Variants in POR observed in about 807,000 individuals in gnomAD.
The protein encoded by POR is cytochrome p450 oxidoreductase.
In POR, 56 loss-of-function variants were observed where a neutral mutation model predicts 84.0. The observed-to-expected ratio is 0.67, with a 90% CI of 0.54 to 0.83. The LOEUF is 0.83. Ranked by LOEUF, POR falls within the 40% of genes least tolerant of loss-of-function variation. The pLI, the probability that POR is intolerant of heterozygous loss-of-function variation, is 0.00. For missense variants in POR, 938 were observed against 944.3 expected, an observed-to-expected ratio of 0.99 and a Z score of 0.09; for synonymous variants, 414 against 400.5, an observed-to-expected ratio of 1.03 and a Z score of -0.40.
Position 75,979,440 on chromosome 7 carries a change from GCCTT to G in POR, c.238-6_238-3del. Reference sequence around the variant, plus strand: ...TGTGGCCCTCACCAACCCTGTGTCTGCCTTCCTTAGGGGAGGAACATCATCGTGT... The same window carrying G: ...TGTGGCCCTCACCAACCCTGTGTCTGCCTTAGGGGAGGAACATCATCGTGT... On this transcript the variant is annotated splice_region_variant and splice_polypyrimidine_tract_variant and intron_variant, in intron 3 of 15. Transcript: ENST00000461988. 2 of 1,611,858 alleles carry G rather than the reference GCCTT, an allele frequency of 1.2e-6. No individual in the cohort carries two copies. The highest frequency in any genetic ancestry group is 1.7e-6 in the Non-Finnish European group (2 of 1,179,164).
chr7:75,980,977 C>A, intron 5 of POR, 71 bp from the exon 6 acceptor site: 3 of 1,476,334 alleles, frequency 2.0e-6, no homozygotes, highest in Non-Finnish European at 9.0e-7. Flanking sequence ...GGCCTCCCGC[C>A]CTGCCCCCAT....
rs41295396 is a variant in POR, at chr7:75,956,481, G to A, written c.188+2301G>A. Among the ~76,000 whole-genome samples, 1,002 of 152,310 alleles carry A rather than the reference G, an allele frequency of 6.6e-3. 8 individuals carry two copies. Among genetic ancestry groups the A allele is most frequent in the African/African-American group, 0.02 (835 of 41,564 alleles). On this transcript the variant is annotated intron_variant, in intron 2 of 15. Coordinates refer to ENST00000461988, the MANE Select transcript of POR (RefSeq NM_000941.3). ...TACGCTCTAGTGGTGAGTGAACCCTGGGCGAGACCTTAACCTCATTCTGCC... is the reference window on the plus strand; with the variant it reads ...TACGCTCTAGTGGTGAGTGAACCCTAGGCGAGACCTTAACCTCATTCTGCC...
At position 75,986,570 on chromosome 7, in the gene POR, T is replaced by G; in HGVS notation, c.*89T>G. 6.7e-7 allele frequency: 1 copy of G among 1,500,246 alleles called. No individual in the cohort carries two copies. Among genetic ancestry groups the G allele is most frequent in the Non-Finnish European group, 8.9e-7 (1 of 1,118,612 alleles). The allele number at this position is 1,500,246 out of a possible 1,614,324, so 92.9% of individuals were successfully genotyped here. A position where few individuals can be genotyped will look rare whatever the true frequency, so the allele number is the denominator to read the frequency against. On this transcript the variant is annotated 3_prime_UTR_variant, in exon 16 of 16. Coordinates refer to ENST00000461988, the MANE Select transcript of POR (RefSeq NM_000941.3). ...CGTAGTCTCCTGGGTGTGTTTGGCT[T>G]GGCCTTGGCATGGGCGCAGGCCCAG...
intron 1 of POR, among the ~76,000 whole-genome samples, chr7:75,915,995 T>C (rs1189179822): frequency 1.3e-5 from 2 of 152,210 alleles, no homozygotes; most frequent in Non-Finnish European, 2.9e-5. Flanking sequence ...TCTCCTCTCT[T>C]AAACCCTTAA....
At chr7:75,963,050 T>G (rs1349344690) in intron 2 of POR, among the ~76,000 whole-genome samples, 1 of 152,206 alleles carries the variant, frequency 6.6e-6, no homozygotes, top group Non-Finnish European at 1.5e-5. Flanking sequence ...TTTTGGGGCC[T>G]GTTCTTGACA....
intron 1 of POR, among the ~76,000 whole-genome samples, chr7:75,939,085 C>T (rs782430193): frequency 5.9e-5 from 9 of 152,240 alleles, no homozygotes; most frequent in Non-Finnish European, 8.8e-5. Context: ...TGCCCTTTCT[C>T]ATAGCAGGAG....
chr7:75,933,376 G>GTTTTTTTTTTTTTT (rs200575911), intron 1 of POR, among the ~76,000 whole-genome samples: 3 of 92,110 alleles, frequency 3.3e-5, no homozygotes, highest in Non-Finnish European at 7.4e-5. Context: ...ATAGGTCTTT[G>GTTTTTTTTTTTTTT]TTTTTTTTTT....
intron 1 of POR, among the ~76,000 whole-genome samples, chr7:75,926,029 TC>T (rs1807102496): frequency 1.6e-5 from 2 of 126,714 alleles, no homozygotes; most frequent in African/African-American, 3.7e-5. Context: ...CTTTTCTCTC[TC>T]TTTTTTTTTT....
intron 1 of POR, among the ~76,000 whole-genome samples, chr7:75,922,451 G>A (rs1554548969): frequency 6.6e-6 from 1 of 151,694 alleles, no homozygotes; most frequent in Admixed American, 6.6e-5. Flanking sequence ...AACCTCCTGA[G>A]TAGCTGGAAT....
intron 1 of POR, chr7:75,943,983 T>C (rs1240705187): frequency 9.6e-6 from 4 of 416,172 alleles, no homozygotes; most frequent in Non-Finnish European, 1.9e-5. Flanking sequence ...AAACCTCGAC[T>C]CTTCAAGGAA....
intron 1 of POR, among the ~76,000 whole-genome samples, chr7:75,949,100 C>T (rs774879661): frequency 1.3e-5 from 2 of 152,036 alleles, no homozygotes; most frequent in African/African-American, 4.8e-5. Flanking sequence ...AGGGCCGGAT[C>T]GTATGGGCCT....
chr7:75,915,787 G>A (rs1398072071), intron 1 of POR: 3 of 152,224 alleles, frequency 2.0e-5, no homozygotes, highest in Admixed American at 1.3e-4. Flanking sequence ...TCTCCTGGGG[G>A]AGCCGGGACA....
chr7:75,939,470 CAG>C (rs1807856920), intron 1 of POR, among the ~76,000 whole-genome samples: 1 of 150,748 alleles, frequency 6.6e-6, no homozygotes, highest in East Asian at 2.0e-4. Context: ...GGAAGCAACT[CAG>C]AGTTTCTGGA....
At chr7:75,918,704 G>A (rs1365127322) in intron 1 of POR, 1 of 152,332 alleles carries the variant, frequency 6.6e-6, no homozygotes, top group East Asian at 1.9e-4. Context: ...ATGGCACGGT[G>A]TGTTGCATTC....
In POR at chr7:75,984,901, G is replaced by A. The variant is rs72557928; in HGVS notation, c.1191G>A (p.Ser397=). 9.3e-4 allele frequency: 1,499 copies of A among 1,610,892 alleles called. 11 individuals carry two copies. Among genetic ancestry groups the A allele is most frequent in the South Asian group, 2.4e-4 (22 of 91,032 alleles). ...TGTACGAGCTGGCGCAGTACGCCTC[G>A]GAGCCCTCGGAGCAGGAGCTGCTGC... The change falls in exon 11 of 16, where the codon TCG becomes TCA. Residue 397 remains serine, a synonymous_variant. Transcript: ENST00000461988.
At chr7:75,968,921 G>T (rs1013495741) in intron 2 of POR, among the ~76,000 whole-genome samples, 26 of 152,222 alleles carry the variant, frequency 1.7e-4, no homozygotes, top group African/African-American at 6.3e-4. Flanking sequence ...TCTGGGATGG[G>T]AGCCGAGCTT....
intron 3 of POR, 129 bp downstream of exon 3, chr7:75,972,590 C>T (rs782021518): frequency 3.5e-5 from 31 of 882,362 alleles, no homozygotes; most frequent in Non-Finnish European, 4.2e-5. Flanking sequence ...GAACGCAGCC[C>T]GGCTCGCTTG....
chr7:75,982,355 G>A (rs781908606), intron 8 of POR, 33 bp downstream of exon 8: 4 of 1,541,930 alleles, frequency 2.6e-6, no homozygotes, highest in Non-Finnish European at 1.8e-6. Context: ...GGGGCAGACG[G>A]CTCTATGGCC....
chr7:75,927,968 CTTT>C (rs1243977285), intron 1 of POR, among the ~76,000 whole-genome samples: 1 of 106,996 alleles, frequency 9.3e-6, no homozygotes, highest in Admixed American at 9.9e-5. Flanking sequence ...TCTCAGGTTT[CTTT>C]TTTTTTTTTT....
Sources: allele counts gnomAD v4.1 joint callset (sites outside exome capture counted in the v4.1 genomes callset), GRCh38; gene constraint gnomAD v4.1.1; transcripts MANE v1.5; gene names NCBI Gene and HGNC (gene_info 2026-07-23, HGNC 2026-07-21).